Variants in MACROD2 observed in about 807,000 individuals in gnomAD.
MACROD2 encodes mono-ADP ribosylhydrolase 2, also known as ADP-ribose glycohydrolase MACROD2.
A neutral mutation model predicts 70.4 loss-of-function variants in MACROD2; 36 were observed. The ratio of observed to expected loss-of-function variants is 0.51; its 90% confidence interval spans 0.39 to 0.68. The LOEUF is 0.68. MACROD2 is among the 30% of genes least tolerant of loss of function. MACROD2 has a pLI of 0.00. For missense variants in MACROD2, 496 were observed against 538.4 expected (o/e 0.92, Z 0.78); for synonymous variants, 172 against 178.8 (o/e 0.96, Z 0.30).
chr20:14,382,523 C>T (rs562487466), intron 3 of MACROD2, among the ~76,000 whole-genome samples: 380 of 151,628 alleles, frequency 2.5e-3, no homozygotes, highest in African/African-American at 8.5e-3. Flanking sequence ...ACAAAATTAG[C>T]GGGGCGTGGT....
chr20:15,057,754 A>G (rs947086037), intron 5 of MACROD2, among the ~76,000 whole-genome samples: 1 of 152,164 alleles, frequency 6.6e-6, no homozygotes, highest in Non-Finnish European at 1.5e-5. Context: ...GATCCATTAT[A>G]TCAATTTCTT....
chr20:15,318,967 T>G (rs1229538475), intron 6 of MACROD2, among the ~76,000 whole-genome samples: 2 of 152,050 alleles, frequency 1.3e-5, no homozygotes, highest in Non-Finnish European at 2.9e-5. Flanking sequence ...AGACAGAGGA[T>G]GTAGGCAAGA....
Position 15,077,447 on chromosome 20 carries a change from G to T in MACROD2, c.419-152493G>T, listed in dbSNP as rs77780612. Among the ~76,000 whole-genome samples, 226 of 152,284 alleles carry T rather than the reference G, an allele frequency of 1.5e-3. 2 individuals are homozygous for T. Among genetic ancestry groups the T allele is most frequent in the Admixed American group, 4.5e-3 (69 of 15,294 alleles). ...TTAGTTCCAGGATGTAACACTGTAG[G>T]AGATAATATATGTGAAAGCGTCTTG... On this transcript the variant is annotated intron_variant, in intron 5 of 17. Transcript: ENST00000684519.
chr20:14,147,082 G>A (rs552231729), intron 3 of MACROD2, among the ~76,000 whole-genome samples: 5 of 152,276 alleles, frequency 3.3e-5, no homozygotes, highest in African/African-American at 9.6e-5. Context: ...ATGGAAGAAG[G>A]ACTAACATCT....
At position 15,151,196 on chromosome 20, in the gene MACROD2, A is replaced by G. The variant is rs528263223; in HGVS notation, c.419-78744A>G. Among the ~76,000 whole-genome samples the G allele has an allele frequency of 1.3e-3, 203 of 152,072 alleles. 1 individual carries two copies. Among genetic ancestry groups the G allele is most frequent in the African/African-American group, 4.4e-3 (182 of 41,412 alleles). On this transcript the variant is annotated intron_variant, in intron 5 of 17. Coordinates refer to ENST00000684519, the MANE Select transcript of MACROD2 (RefSeq NM_001351661.2). ...GCTGCCAGGTGAGTTGGACAGTCCA[A>G]TTTTCAGTGGGGTCCCACAGAGATG... is the stretch of plus-strand genomic sequence containing the variant.
At chr20:14,687,445 A>AT (rs762712657) in intron 5 of MACROD2, among the ~76,000 whole-genome samples, 25 of 152,188 alleles carry the variant, frequency 1.6e-4, no homozygotes, top group Non-Finnish European at 2.6e-4. Flanking sequence ...TTTTAGGGTT[A>AT]TTGAAGACTT....
At chr20:14,860,557 G>A (rs190735326) in intron 5 of MACROD2, among the ~76,000 whole-genome samples, 2 of 152,234 alleles carry the variant, frequency 1.3e-5, no homozygotes, top group African/African-American at 4.8e-5. Context: ...ACTCCTCCGG[G>A]TCTCTGTTTG....
At chr20:14,560,094 C>T (rs1285500719) in intron 4 of MACROD2, among the ~76,000 whole-genome samples, 1 of 151,676 alleles carries the variant, frequency 6.6e-6, no homozygotes, top group African/African-American at 2.4e-5. Flanking sequence ...GCATTTTCAC[C>T]AGCCAAAGAT....
At chr20:14,926,123 G>T (rs780702246) in intron 5 of MACROD2, among the ~76,000 whole-genome samples, 1 of 152,128 alleles carries the variant, frequency 6.6e-6, no homozygotes, top group Non-Finnish European at 1.5e-5. Context: ...TTTTTCCCAG[G>T]CTGTCCTGTT....
chr20:15,227,702 A>G (rs2145977122), intron 5 of MACROD2, among the ~76,000 whole-genome samples: 1 of 152,262 alleles, frequency 6.6e-6, no homozygotes, highest in South Asian at 2.1e-4. Flanking sequence ...TTCAATCGTC[A>G]ACTGTATTTA....
At chr20:15,951,455 A>G (rs796769484) in intron 12 of MACROD2, among the ~76,000 whole-genome samples, 14 of 152,210 alleles carry the variant, frequency 9.2e-5, no homozygotes, top group African/African-American at 3.4e-4. Flanking sequence ...AGACTGGAAC[A>G]TTTTTTAATC....
At chr20:15,472,026 T>C (rs1489870862) in intron 7 of MACROD2, among the ~76,000 whole-genome samples, 2 of 152,214 alleles carry the variant, frequency 1.3e-5, no homozygotes, top group East Asian at 1.9e-4. Context: ...AGAGACTACA[T>C]TTACTGTTTT....
chr20:14,163,352 A>T (rs1012713350), intron 3 of MACROD2, among the ~76,000 whole-genome samples: 2 of 152,072 alleles, frequency 1.3e-5, no homozygotes, highest in Non-Finnish European at 2.9e-5. Context: ...AAATGATTAG[A>T]TACTTTTTTC....
At chr20:14,034,137 AATTTCTTTTTGT>A (rs2148634175) in intron 2 of MACROD2, among the ~76,000 whole-genome samples, 1 of 151,926 alleles carries the variant, frequency 6.6e-6, no homozygotes, top group South Asian at 2.1e-4. Flanking sequence ...ACACCAGGCT[AATTTCTTTTTGT>A]ATTTTTAGTA....
chr20:15,332,439 G>A lies in MACROD2; in HGVS notation c.541-98966G>A, dbSNP rs1270527675. Among the ~76,000 whole-genome samples the A allele has an allele frequency of 5.9e-5, 9 of 151,442 alleles. 2 individuals carry two copies. Among genetic ancestry groups the A allele is most frequent in the African/African-American group, 2.0e-4 (8 of 40,878 alleles). ...GTATGAAATAGGGATCTAAATTTGG[G>A]CCTCACAGGCCAGCATTACAATTAT... On this transcript the variant is annotated intron_variant, in intron 6 of 17. Transcript: ENST00000684519.
chr20:14,794,827 G>A (rs1258361560), intron 5 of MACROD2, among the ~76,000 whole-genome samples: 1 of 151,990 alleles, frequency 6.6e-6, no homozygotes. Context: ...GTGGAGACAA[G>A]TAGAAAAACA....
At chr20:14,023,874 G>T (rs2053121853) in intron 2 of MACROD2, among the ~76,000 whole-genome samples, 1 of 152,140 alleles carries the variant, frequency 6.6e-6, no homozygotes, top group African/African-American at 2.4e-5. Flanking sequence ...GATTGTCTTG[G>T]CTATGCGGGC....
chr20:14,038,070 G>C (rs2053341391), intron 2 of MACROD2, among the ~76,000 whole-genome samples: 1 of 152,172 alleles, frequency 6.6e-6, no homozygotes, highest in Non-Finnish European at 1.5e-5. Context: ...CGAGGCAGTG[G>C]ATCACTTCAC....
intron 6 of MACROD2, among the ~76,000 whole-genome samples, chr20:15,236,993 G>GT (rs2077019066): frequency 6.6e-6 from 1 of 152,082 alleles, no homozygotes; most frequent in South Asian, 2.1e-4. Flanking sequence ...TGTGAGGGTG[G>GT]TTTTGGGCAG....
Sources: gnomAD v4.1 joint callset for allele counts (sites outside exome capture counted in the v4.1 genomes callset) on GRCh38, gnomAD v4.1.1 for gene constraint, MANE v1.5 for transcripts, NCBI Gene and HGNC (gene_info 2026-07-23, HGNC 2026-07-21) for gene names.